ROBO1: variants seen among roughly 807,000 people sequenced by gnomAD.
The protein encoded by ROBO1 is roundabout homolog 1.
A neutral mutation model predicts 195.9 loss-of-function variants in ROBO1; 149 were observed. That is an observed-to-expected ratio of 0.76 (90% confidence interval 0.67 to 0.87). The LOEUF (loss-of-function observed/expected upper bound fraction) is 0.87. Among genes scored for constraint, ROBO1 ranks in the 40% least tolerant of loss-of-function variants. ROBO1 has a pLI of 0.00. For missense variants in ROBO1, 1,933 were observed against 2,068.3 expected, an observed-to-expected ratio of 0.93 and a Z score of 1.27; for synonymous variants, 816 against 733.2, an observed-to-expected ratio of 1.11 and a Z score of -1.82.
At chr3:79,439,609 C>T (rs2038990128) in intron 2 of ROBO1, among the ~76,000 whole-genome samples, 1 of 151,862 alleles carries the variant, frequency 6.6e-6, no homozygotes, top group African/African-American at 2.4e-5. Flanking sequence ...ACTGAAGAAG[C>T]AACAAGATAA....
intron 3 of ROBO1, among the ~76,000 whole-genome samples, chr3:79,054,607 C>G (rs1358594994): frequency 1.3e-5 from 2 of 152,050 alleles, no homozygotes; most frequent in South Asian, 4.1e-4. Flanking sequence ...TTTCTTGGAG[C>G]CTGCTATAAT....
intron 29 of ROBO1, among the ~76,000 whole-genome samples, chr3:78,601,320 A>C (rs1264950254): frequency 6.6e-6 from 1 of 152,154 alleles, no homozygotes; most frequent in Non-Finnish European, 1.5e-5. Flanking sequence ...ATCCTTGCAC[A>C]AAAACATCTC....
At chr3:79,672,287 C>T (rs908868691) in intron 1 of ROBO1, among the ~76,000 whole-genome samples, 2 of 151,992 alleles carry the variant, frequency 1.3e-5, no homozygotes, top group East Asian at 1.9e-4. Flanking sequence ...TTTAACCTTA[C>T]CAGTGACACA....
chr3:79,148,766 C>T lies in ROBO1; in HGVS notation c.89-23227G>A, dbSNP rs147227693. 5.1e-3 allele frequency among the ~76,000 whole-genome samples: 772 copies of T among 151,950 alleles called. 2 individuals carry two copies. Among genetic ancestry groups the T allele is most frequent in the Non-Finnish European group, 8.5e-3 (577 of 67,892 alleles). Reference sequence around the variant, plus strand: ...CAATTCTTAACATTCATACTCATTCCTAACATGGATTCACTGAAATACTGA... The same window carrying T: ...CAATTCTTAACATTCATACTCATTCTTAACATGGATTCACTGAAATACTGA... On this transcript the variant is annotated intron_variant, in intron 2 of 30. Coordinates refer to ENST00000464233, the MANE Select transcript of ROBO1 (RefSeq NM_002941.4).
At chr3:79,306,471 T>C (rs2033223470) in intron 2 of ROBO1, among the ~76,000 whole-genome samples, 2 of 152,230 alleles carry the variant, frequency 1.3e-5, no homozygotes, top group South Asian at 4.1e-4. Context: ...CTATCTTTAT[T>C]TGTGATCGGC....
intron 1 of ROBO1, among the ~76,000 whole-genome samples, chr3:79,599,584 A>C (rs1408651465): frequency 6.6e-6 from 1 of 151,958 alleles, no homozygotes; most frequent in Non-Finnish European, 1.5e-5. Context: ...TCGATGGCAA[A>C]TCAAACTTAC....
intron 2 of ROBO1, among the ~76,000 whole-genome samples, chr3:79,397,764 G>A (rs1191036427): frequency 6.6e-6 from 1 of 152,096 alleles, no homozygotes; most frequent in Admixed American, 6.6e-5. Flanking sequence ...TTTGACCAAA[G>A]GCTCGCTAGT....
chr3:78,754,973 G>A (rs1055428006), intron 4 of ROBO1, among the ~76,000 whole-genome samples: 13 of 152,190 alleles, frequency 8.5e-5, no homozygotes, highest in Middle Eastern at 3.4e-3. Context: ...TAGTGGTACC[G>A]GTGGAGAGCA....
intron 2 of ROBO1, among the ~76,000 whole-genome samples, chr3:79,419,661 C>T (rs1037498278): frequency 1.3e-5 from 2 of 152,026 alleles, no homozygotes; most frequent in African/African-American, 4.8e-5. Flanking sequence ...GTTCATCCTG[C>T]CACTTCCCTC....
chr3:79,362,005 G>T (rs752554590), intron 2 of ROBO1, among the ~76,000 whole-genome samples: 5 of 152,050 alleles, frequency 3.3e-5, no homozygotes, highest in African/African-American at 4.8e-5. Context: ...CCTGATAAAA[G>T]TTCAGTAGAG....
intron 1 of ROBO1, among the ~76,000 whole-genome samples, chr3:79,596,921 A>G (rs1005972936): frequency 6.6e-6 from 1 of 152,036 alleles, no homozygotes; most frequent in Non-Finnish European, 1.5e-5. Flanking sequence ...ATATTATAGC[A>G]TGTATGGTGA....
At chr3:79,643,810 GAAGAA>G (rs1466367443) in intron 1 of ROBO1, among the ~76,000 whole-genome samples, 8 of 152,142 alleles carry the variant, frequency 5.3e-5, no homozygotes, top group African/African-American at 1.9e-4. Flanking sequence ...AGTAAGAAAG[GAAGAA>G]AAGAAGAGAG....
chr3:79,008,888 C>CGT (rs375134341), intron 3 of ROBO1, among the ~76,000 whole-genome samples: 28,549 of 121,002 alleles, frequency 0.24, 3,637 homozygotes, highest in Middle Eastern at 0.32. Context: ...TGCACCCAGC[C>CGT]GTGTGTGTGT....
intron 1 of ROBO1, among the ~76,000 whole-genome samples, chr3:79,644,748 T>G (rs565355784): frequency 9.2e-5 from 14 of 152,256 alleles, no homozygotes; most frequent in Admixed American, 5.9e-4. Flanking sequence ...CACTAACTGG[T>G]GCAGAATACA....
intron 3 of ROBO1, among the ~76,000 whole-genome samples, chr3:79,114,452 C>T (rs1407968391): frequency 6.6e-6 from 1 of 152,134 alleles, no homozygotes; most frequent in Non-Finnish European, 1.5e-5. Context: ...CTAAGAGCTA[C>T]ATCAACTCTC....
At chr3:78,997,070 G>T (rs2077385067) in intron 3 of ROBO1, among the ~76,000 whole-genome samples, 1 of 152,116 alleles carries the variant, frequency 6.6e-6, no homozygotes, top group Non-Finnish European at 1.5e-5. Flanking sequence ...ACAGGCCCAG[G>T]AAGGCTGCTA....
At chr3:78,640,021 T>A (rs1575822932) in intron 21 of ROBO1, 123 bp from the exon 22 acceptor site, 2 of 832,438 alleles carry the variant, frequency 2.4e-6, no homozygotes, top group East Asian at 5.5e-5. Flanking sequence ...CTATGCTGAA[T>A]GACATTATTA....
At chr3:79,032,003 T>C (rs963366081) in intron 3 of ROBO1, among the ~76,000 whole-genome samples, 79 of 152,200 alleles carry the variant, frequency 5.2e-4, no homozygotes, top group Middle Eastern at 3.4e-3. Flanking sequence ...CAGGCTTATA[T>C]AGGGTATGAA....
At chr3:79,664,938 A>G (rs961575570) in intron 1 of ROBO1, among the ~76,000 whole-genome samples, 2 of 151,994 alleles carry the variant, frequency 1.3e-5, no homozygotes, top group African/African-American at 4.8e-5. Flanking sequence ...GTATTATGTC[A>G]TATAAAGTGT....
Sources: gnomAD v4.1 joint callset for allele counts (sites outside exome capture counted in the v4.1 genomes callset) on GRCh38, gnomAD v4.1.1 for gene constraint, MANE v1.5 for transcripts, NCBI Gene and HGNC (gene_info 2026-07-23, HGNC 2026-07-21) for gene names.